SPAG16: variants seen among roughly 807,000 people sequenced by gnomAD.
The protein encoded by SPAG16 is sperm associated antigen 16.
A neutral mutation model predicts 80.4 loss-of-function variants in SPAG16; 86 were observed. The observed-to-expected ratio is 1.07, with a 90% CI of 0.90 to 1.28. The LOEUF (loss-of-function observed/expected upper bound fraction) is 1.28. Ranked by LOEUF, SPAG16 falls within the 50% of genes most tolerant of loss-of-function variation. SPAG16 has a pLI of 0.00. For synonymous variants in SPAG16, 294 were observed against 265.9 expected, an observed-to-expected ratio of 1.11 and a Z score of -1.03; for missense variants, 870 against 765.3, an observed-to-expected ratio of 1.14 and a Z score of -1.61.
At chr2:213,387,666 G>A (rs1180483159) in intron 9 of SPAG16, among the ~76,000 whole-genome samples, 1 of 150,578 alleles carries the variant, frequency 6.6e-6, no homozygotes, top group African/African-American at 2.5e-5. Context: ...ATTTTGGCCG[G>A]GATGGTCTCG....
At chr2:213,858,127 A>T (rs987370107) in intron 10 of SPAG16, among the ~76,000 whole-genome samples, 4 of 152,238 alleles carry the variant, frequency 2.6e-5, no homozygotes, top group African/African-American at 9.6e-5. Context: ...TGTTGAAATA[A>T]CAATGAAGGA....
At chr2:213,441,402 C>T (rs991884737) in intron 9 of SPAG16, among the ~76,000 whole-genome samples, 3 of 152,166 alleles carry the variant, frequency 2.0e-5, no homozygotes, top group Admixed American at 2.0e-4. Context: ...AACATATCTA[C>T]ATATGCAGAT....
intron 15 of SPAG16, among the ~76,000 whole-genome samples, chr2:214,392,899 A>G (rs982906784): frequency 3.9e-5 from 6 of 152,352 alleles, no homozygotes; most frequent in Middle Eastern, 3.4e-3. Flanking sequence ...GTAGAATTAC[A>G]TAAGAGTCTA....
chr2:213,727,538 A>G (rs928065944), intron 10 of SPAG16, among the ~76,000 whole-genome samples: 1 of 152,216 alleles, frequency 6.6e-6, no homozygotes, highest in Non-Finnish European at 1.5e-5. Flanking sequence ...CACTAAGGGT[A>G]CACCAAGCAA....
intron 10 of SPAG16, among the ~76,000 whole-genome samples, chr2:213,849,783 G>C (rs933978): frequency 7.2e-5 from 11 of 151,968 alleles, no homozygotes; most frequent in African/African-American, 2.7e-4. Context: ...TCTACTCTCT[G>C]TCATTAATAT....
At chr2:214,106,687 T>C (rs2053400680) in intron 13 of SPAG16, among the ~76,000 whole-genome samples, 1 of 152,166 alleles carries the variant, frequency 6.6e-6, no homozygotes, top group Non-Finnish European at 1.5e-5. Flanking sequence ...TGGTAGCTCA[T>C]TTTGCAATCT....
intron 10 of SPAG16, among the ~76,000 whole-genome samples, chr2:213,802,492 C>T: frequency 6.6e-6 from 1 of 151,860 alleles, no homozygotes; most frequent in East Asian, 1.9e-4. Flanking sequence ...GATTGTATAA[C>T]CCAATAATTT....
intron 9 of SPAG16, among the ~76,000 whole-genome samples, chr2:213,388,054 G>GTTTCT: frequency 6.6e-6 from 1 of 152,242 alleles, no homozygotes; most frequent in Admixed American, 6.5e-5. Flanking sequence ...TCCACAGGAA[G>GTTTCT]GATTGGACAG....
chr2:213,421,144 A>G (rs944687877), intron 9 of SPAG16, among the ~76,000 whole-genome samples: 1 of 151,980 alleles, frequency 6.6e-6, no homozygotes, highest in Non-Finnish European at 1.5e-5. Context: ...GGGCATCCAT[A>G]TACTCTCGGG....
At chr2:214,262,441 T>G (rs1372182633) in intron 15 of SPAG16, among the ~76,000 whole-genome samples, 1 of 152,036 alleles carries the variant, frequency 6.6e-6, no homozygotes, top group East Asian at 1.9e-4. Context: ...TTTGTTATCA[T>G]TATCTTAACA....
intron 15 of SPAG16, among the ~76,000 whole-genome samples, chr2:214,202,369 G>A (rs55792553): frequency 0.3 from 45,568 of 152,054 alleles, 8,513 homozygotes; most frequent in Non-Finnish European, 0.41. Context: ...CAACATGGGA[G>A]GGTTGCTGAT....
In SPAG16 at chr2:214,232,412, G is replaced by A. The variant is rs551941704; in HGVS notation, c.1720+83146G>A. Among the ~76,000 whole-genome samples the A allele has an allele frequency of 3.2e-4, 49 of 151,776 alleles. No individual in the cohort carries two copies. In the South Asian group the frequency reaches 7.5e-3, roughly 23 times the overall value. On this transcript the variant is annotated intron_variant, in intron 15 of 15. Coordinates refer to ENST00000331683, the MANE Select transcript of SPAG16 (RefSeq NM_024532.5). ...TTCTCTTCTGATAACTGCAACATTC[G>A]TGGTGAATGTGATTCAGAGTTTTCA...
chr2:213,547,033 T>C (rs1428241900), intron 10 of SPAG16, among the ~76,000 whole-genome samples: 1 of 152,168 alleles, frequency 6.6e-6, no homozygotes, highest in African/African-American at 2.4e-5. Context: ...CATTTCACTA[T>C]GGAGCATAGA....
intron 15 of SPAG16, among the ~76,000 whole-genome samples, chr2:214,311,020 C>T (rs563404365): frequency 6.6e-6 from 1 of 152,300 alleles, no homozygotes; most frequent in South Asian, 2.1e-4. Flanking sequence ...CTTACGGCAA[C>T]CTCCAACAGG....
chr2:213,737,242 T>A (rs1036015547), intron 10 of SPAG16, among the ~76,000 whole-genome samples: 2 of 152,210 alleles, frequency 1.3e-5, no homozygotes, highest in Admixed American at 6.5e-5. Flanking sequence ...AAAAGGGGAA[T>A]CTACACCTTC....
At chr2:214,369,064 A>G (rs1371570509) in intron 15 of SPAG16, among the ~76,000 whole-genome samples, 1 of 152,070 alleles carries the variant, frequency 6.6e-6, no homozygotes. Flanking sequence ...TATTGTATAT[A>G]TATATTCTCA....
chr2:213,969,464 G>T (rs1335643633), intron 12 of SPAG16, among the ~76,000 whole-genome samples: 3 of 152,146 alleles, frequency 2.0e-5, no homozygotes, highest in Non-Finnish European at 4.4e-5. Context: ...TATTTGGGAG[G>T]TGATTAAGTC....
intron 10 of SPAG16, among the ~76,000 whole-genome samples, chr2:213,849,198 C>T (rs1054787640): frequency 1.3e-5 from 2 of 152,006 alleles, no homozygotes; most frequent in African/African-American, 2.4e-5. Context: ...GGAGATGAAA[C>T]GAGAAAGAGT....
intron 7 of SPAG16, among the ~76,000 whole-genome samples, chr2:213,363,226 A>C (rs1403006955): frequency 1.3e-5 from 2 of 152,182 alleles, no homozygotes; most frequent in Non-Finnish European, 1.5e-5. Flanking sequence ...TCAGTACTAC[A>C]TTAGCAACTC....
Sources: gnomAD v4.1 joint callset for allele counts (sites outside exome capture counted in the v4.1 genomes callset) on GRCh38, gnomAD v4.1.1 for gene constraint, MANE v1.5 for transcripts, NCBI Gene and HGNC (gene_info 2026-07-23, HGNC 2026-07-21) for gene names.